Variants in TJP1 observed in about 807,000 individuals in gnomAD.
The protein encoded by TJP1 is tight junction protein 1, also known as tight junction protein ZO-1.
A neutral mutation model predicts 194.2 loss-of-function variants in TJP1; 43 were observed. That is an observed-to-expected ratio of 0.22 (90% CI 0.17 to 0.29). The LOEUF (loss-of-function observed/expected upper bound fraction) is 0.29. Ranked by LOEUF, TJP1 falls within the 10% of genes least tolerant of loss-of-function variation. The pLI, the probability that TJP1 is intolerant of heterozygous loss-of-function variation, is 1.00. For synonymous variants in TJP1, 801 were observed against 779.0 expected, an observed-to-expected ratio of 1.03 and a Z score of -0.47; for missense variants, 1,971 against 2,185.7, an observed-to-expected ratio of 0.90 and a Z score of 1.96.
chr15:29,761,361 GAAGAT>G, intron 7 of TJP1, 75 bp from the exon 8 acceptor site: 5 of 1,538,140 alleles, frequency 3.3e-6, no homozygotes, highest in Non-Finnish European at 3.5e-6. Context: ...CAGTAATAAT[GAAGAT>G]AAGCTAGTAA....
chr15:29,704,175 G>A lies in TJP1; in HGVS notation c.5199C>T (p.Ser1733=), dbSNP rs535787854. 1.9e-5 allele frequency: 30 copies of A among 1,561,810 alleles called. No individual in the cohort carries two copies. The highest frequency in any genetic ancestry group is 1.6e-4 in the African/African-American group (12 of 74,094). ...PDGWSFALKS[S]DSSSGDPKTW... ...AAGACAGCATACCCGACGAGGAGTC[G>A]GATGATTTTAGAGCAAAAGACCAAC... Residue 1733 remains serine, a synonymous_variant, in exon 27 of 28, where the codon TCC becomes TCT. Coordinates refer to ENST00000614355, the MANE Select transcript of TJP1 (RefSeq NM_001330239.4).
At chr15:29,946,439 G>C (rs1188435185) in intron 2 of TJP1, among the ~76,000 whole-genome samples, 1 of 152,238 alleles carries the variant, frequency 6.6e-6, no homozygotes, top group African/African-American at 2.4e-5. Flanking sequence ...TGAATTAAGT[G>C]TGAGAGAATC....
At chr15:29,801,042 C>T (rs551584179) in intron 1 of TJP1, among the ~76,000 whole-genome samples, 1 of 152,260 alleles carries the variant, frequency 6.6e-6, no homozygotes, top group African/African-American at 2.4e-5. Context: ...TCTAATGGCA[C>T]GTAAACATTT....
intron 15 of TJP1, 52 bp downstream of exon 15, chr15:29,732,381 C>T (rs1231160141): frequency 6.8e-7 from 1 of 1,475,434 alleles, no homozygotes; most frequent in Non-Finnish European, 9.4e-7. Flanking sequence ...AACTCACTCA[C>T]TTTAGAGGTG....
intron 2 of TJP1, among the ~76,000 whole-genome samples, chr15:29,863,127 C>T (rs1182059152): frequency 6.6e-6 from 1 of 151,630 alleles, no homozygotes; most frequent in Non-Finnish European, 1.5e-5. Context: ...AAACCCCCAT[C>T]TGTACTAAAA....
chr15:29,775,418 C>A (rs960636599), intron 2 of TJP1, among the ~76,000 whole-genome samples: 5 of 151,766 alleles, frequency 3.3e-5, no homozygotes, highest in Non-Finnish European at 5.9e-5. Flanking sequence ...AAAATTTGTG[C>A]TGGTTTTGCT....
chr15:29,946,348 G>T (rs886612478), intron 2 of TJP1, among the ~76,000 whole-genome samples: 3 of 152,242 alleles, frequency 2.0e-5, no homozygotes, highest in African/African-American at 7.2e-5. Flanking sequence ...GCTAGTGGAT[G>T]AAAGTCTGAT....
In TJP1 at chr15:29,822,433, C is replaced by A; in HGVS notation, c.-405G>T. 1 of 988,804 alleles carries A rather than the reference C, an allele frequency of 1.0e-6. No homozygotes were observed. Among genetic ancestry groups the A allele is most frequent in the Non-Finnish European group, 1.2e-6 (1 of 832,304 alleles). The allele number at this position is 988,804 out of a possible 1,614,324, so 61.3% of individuals were successfully genotyped here. A position where few individuals can be genotyped will look rare whatever the true frequency, so the allele number is the denominator to read the frequency against. ...GGCGGCCGCCAAGGAACGCGGCGTC[C>A]GCTGGCTCAGCCGGCGCCGGCAACT... is the stretch of plus-strand genomic sequence containing the variant. On this transcript the variant is annotated 5_prime_UTR_variant, in exon 1 of 28. Coordinates refer to ENST00000614355, the MANE Select transcript of TJP1 (RefSeq NM_001330239.4).
chr15:29,809,041 T>C (rs2049307767), intron 1 of TJP1, among the ~76,000 whole-genome samples: 1 of 152,202 alleles, frequency 6.6e-6, no homozygotes, highest in Non-Finnish European at 1.5e-5. Context: ...TGAGATATGG[T>C]ATATGTAAAA....
chr15:29,878,941 G>A (rs2052817874), intron 2 of TJP1, among the ~76,000 whole-genome samples: 1 of 151,964 alleles, frequency 6.6e-6, no homozygotes, highest in Non-Finnish European at 1.5e-5. Context: ...TGGCCAACAT[G>A]GTGAAACCCC....
At chr15:29,781,544 C>A (rs1166125371) in intron 2 of TJP1, among the ~76,000 whole-genome samples, 2 of 152,126 alleles carry the variant, frequency 1.3e-5, no homozygotes, top group Non-Finnish European at 2.9e-5. Flanking sequence ...ATCTTTGATA[C>A]ACATTGATGC....
chr15:29,780,547 T>A (rs1331609161), intron 2 of TJP1, among the ~76,000 whole-genome samples: 1 of 152,110 alleles, frequency 6.6e-6, no homozygotes, highest in East Asian at 1.9e-4. Context: ...AGGCCAAAGA[T>A]CCGTACATCT....
chr15:29,715,091 G>GT (rs2042482669), intron 23 of TJP1, among the ~76,000 whole-genome samples: 2 of 152,292 alleles, frequency 1.3e-5, no homozygotes, highest in Admixed American at 6.5e-5. Context: ...ATGAATTCCT[G>GT]TAACACTGTA....
At chr15:29,730,951 C>G in intron 15 of TJP1, 1 of 1,262,640 alleles carries the variant, frequency 7.9e-7, no homozygotes. Context: ...ACAGACCAGG[C>G]ACAGAAAGCT....
chr15:29,912,139 G>A (rs78035364), intron 2 of TJP1, among the ~76,000 whole-genome samples: 2,453 of 152,258 alleles, frequency 0.016, 73 homozygotes, highest in African/African-American at 0.056. Context: ...TGCCTCACAT[G>A]GTGGAGAGAG....
chr15:29,797,946 T>C (rs991260700), intron 2 of TJP1, among the ~76,000 whole-genome samples: 8 of 152,202 alleles, frequency 5.3e-5, no homozygotes, highest in African/African-American at 1.9e-4. Flanking sequence ...TCTTCAGAGA[T>C]AAGCAAACTA....
At chr15:29,800,946 A>C (rs972000309) in intron 1 of TJP1, among the ~76,000 whole-genome samples, 22 of 152,236 alleles carry the variant, frequency 1.4e-4, no homozygotes, top group Non-Finnish European at 2.1e-4. Flanking sequence ...TATTCATTTC[A>C]TGCAAGCTGA....
chr15:29,968,287 T>C, intron 1 of TJP1: 3 of 985,362 alleles, frequency 3.0e-6, no homozygotes, highest in Non-Finnish European at 3.6e-6. Context: ...ATTCTTCTGC[T>C]GTCTCCGCGA....
chr15:29,893,416 A>C (rs1298398212), intron 2 of TJP1, among the ~76,000 whole-genome samples: 1 of 152,222 alleles, frequency 6.6e-6, no homozygotes, highest in Non-Finnish European at 1.5e-5. Context: ...CCAGTTTTGA[A>C]AGAAGTCCTA....
Sources: gnomAD v4.1 joint callset for allele counts (sites outside exome capture counted in the v4.1 genomes callset) on GRCh38, gnomAD v4.1.1 for gene constraint, MANE v1.5 for transcripts, NCBI Gene and HGNC (gene_info 2026-07-23, HGNC 2026-07-21) for gene names.